The following RYR3 variants were observed in gnomAD, a reference collection of about 807,000 sequenced individuals.
RYR3 encodes ryanodine receptor 3.
RYR3 carries 207 observed loss-of-function variants against 584.3 expected under a neutral mutation model. The observed-to-expected ratio is 0.35, with a 90% CI of 0.32 to 0.40. The LOEUF is 0.40. Ranked by LOEUF, RYR3 falls within the 10% of genes least tolerant of loss-of-function variation. RYR3 has a pLI of 1.00. For missense variants in RYR3, 5,616 were observed against 6,089.2 expected (o/e 0.92, Z 2.59); for synonymous variants, 2,416 against 2,248.5 (o/e 1.07, Z -2.11).
At chr15:33,684,062 G>A (rs137976504) in intron 38 of RYR3, among the ~76,000 whole-genome samples, 24,270 of 152,292 alleles carry the variant, frequency 0.16, 2,361 homozygotes, top group Admixed American at 0.31. Flanking sequence ...GCAGGGCATA[G>A]CTGAACAAAA....
At chr15:33,428,705 A>G (rs2044861095) in intron 1 of RYR3, among the ~76,000 whole-genome samples, 1 of 143,910 alleles carries the variant, frequency 6.9e-6, no homozygotes. Context: ...TCACATAGTC[A>G]GACCCAATTA....
At chr15:33,591,694 T>C (rs1336404182) in intron 16 of RYR3, among the ~76,000 whole-genome samples, 1 of 152,210 alleles carries the variant, frequency 6.6e-6, no homozygotes, top group Non-Finnish European at 1.5e-5. Flanking sequence ...TTGCCATAGA[T>C]AAATATTTTT....
At chr15:33,849,096 A>G (rs1019938568) in intron 94 of RYR3, 1 of 152,292 alleles carries the variant, frequency 6.6e-6, no homozygotes, top group Non-Finnish European at 1.5e-5. Flanking sequence ...TCAGCCTCCC[A>G]AAGTGCTGGG....
At chr15:33,338,013 T>G (rs1402384092) in intron 1 of RYR3, among the ~76,000 whole-genome samples, 1 of 147,198 alleles carries the variant, frequency 6.8e-6, no homozygotes, top group African/African-American at 2.5e-5. Flanking sequence ...GGCGCGATCT[T>G]GGCTCACCGA....
intron 102 of RYR3, among the ~76,000 whole-genome samples, chr15:33,862,635 G>GAGAC (rs1306388096): frequency 1.3e-5 from 2 of 151,980 alleles, no homozygotes; most frequent in Admixed American, 6.6e-5. Flanking sequence ...TTTATTTATT[G>GAGAC]AGACAGTCTC....
chr15:33,417,774 G>T (rs1236957027), intron 1 of RYR3, among the ~76,000 whole-genome samples: 1 of 152,054 alleles, frequency 6.6e-6, no homozygotes, highest in South Asian at 2.1e-4. Flanking sequence ...TTCACAGTGG[G>T]GTTGCTTTCA....
At chr15:33,330,560 C>T (rs917491938) in intron 1 of RYR3, among the ~76,000 whole-genome samples, 1 of 152,140 alleles carries the variant, frequency 6.6e-6, no homozygotes, top group African/African-American at 2.4e-5. Context: ...TGTTCCTTCA[C>T]GTCGTGATTC....
intron 30 of RYR3, among the ~76,000 whole-genome samples, 192 bp downstream of exon 30, chr15:33,647,652 G>T (rs2062178777): frequency 6.6e-6 from 1 of 152,156 alleles, no homozygotes; most frequent in Non-Finnish European, 1.5e-5. Flanking sequence ...GTTATTCAGT[G>T]CAAAGCAAAA....
chr15:33,698,173 C>T (rs996934253), intron 40 of RYR3, among the ~76,000 whole-genome samples, 177 bp downstream of exon 40: 13 of 152,198 alleles, frequency 8.5e-5, no homozygotes, highest in Non-Finnish European at 4.4e-5. Context: ...TGGACGGAAT[C>T]CCATTGTGTA....
chr15:33,612,869 C>A (rs1231089395), intron 18 of RYR3, among the ~76,000 whole-genome samples: 1 of 152,198 alleles, frequency 6.6e-6, no homozygotes, highest in African/African-American at 2.4e-5. Flanking sequence ...AGACACCAGG[C>A]CACAGTCTGA....
intron 86 of RYR3, among the ~76,000 whole-genome samples, chr15:33,834,285 A>AACAGACACAC: frequency 7.3e-6 from 1 of 136,948 alleles, no homozygotes; most frequent in South Asian, 2.4e-4. Flanking sequence ...ATCTGTCTTA[A>AACAGACACAC]ACACACACAC....
chr15:33,667,310 C>G (rs970059213), intron 36 of RYR3, among the ~76,000 whole-genome samples: 2 of 152,210 alleles, frequency 1.3e-5, no homozygotes, highest in Non-Finnish European at 2.9e-5. Context: ...GACCTGGGGT[C>G]GTGGCCCTAT....
chr15:33,614,901 A>G (rs1486253944), intron 19 of RYR3, among the ~76,000 whole-genome samples: 2 of 152,126 alleles, frequency 1.3e-5, no homozygotes, highest in Non-Finnish European at 2.9e-5. Flanking sequence ...GGCTTTTTAT[A>G]TACACAGTTA....
intron 12 of RYR3, among the ~76,000 whole-genome samples, chr15:33,575,961 A>G (rs1211958810): frequency 6.6e-6 from 1 of 152,232 alleles, no homozygotes; most frequent in Non-Finnish European, 1.5e-5. Flanking sequence ...TCAAACAACC[A>G]TCAGAGAATA....
intron 49 of RYR3, among the ~76,000 whole-genome samples, chr15:33,737,949 G>A (rs1221388285): frequency 6.6e-6 from 1 of 152,094 alleles, no homozygotes; most frequent in Non-Finnish European, 1.5e-5. Flanking sequence ...AGAGGGAGCG[G>A]GCACGGGGAG....
chr15:33,747,655 C>T (rs1941640999), intron 53 of RYR3, among the ~76,000 whole-genome samples: 1 of 152,020 alleles, frequency 6.6e-6, no homozygotes, highest in African/African-American at 2.4e-5. Flanking sequence ...GAATTTCTGA[C>T]CTCAGGTGAT....
Position 33,830,394 on chromosome 15 carries a change from T to C in RYR3, c.11335-569T>C, listed in dbSNP as rs145547653. Among the ~76,000 whole-genome samples, 656 of 152,354 alleles carry C rather than the reference T, an allele frequency of 4.3e-3. 4 individuals are homozygous for C. The highest frequency in any genetic ancestry group is 0.015 in the African/African-American group (634 of 41,588). On this transcript the variant is annotated intron_variant, in intron 85 of 103. Transcript: ENST00000634891. ...AGCACTTTTTAGCAATAAAGTATTTTTTAATGATGGCACGTACATTGTTTT... is the reference window on the plus strand; with the variant it reads ...AGCACTTTTTAGCAATAAAGTATTTCTTAATGATGGCACGTACATTGTTTT...
intron 23 of RYR3, among the ~76,000 whole-genome samples, chr15:33,632,628 A>G (rs989143994): frequency 5.3e-5 from 8 of 152,248 alleles, no homozygotes; most frequent in Admixed American, 1.3e-4. Flanking sequence ...GCTTCTGGTA[A>G]TGTTGCAGCA....
At position 33,616,155 on chromosome 15, in the gene RYR3, A is replaced by G. The variant is rs537279264; in HGVS notation, c.2357+2780A>G. 1.1e-4 allele frequency among the ~76,000 whole-genome samples: 16 copies of G among 152,288 alleles called. No homozygotes were observed. In the East Asian group the frequency reaches 2.3e-3, roughly 22 times the overall value. ...TTCAAAGGGAGTACACCTATTTCACAAGCAAGTCATCTGAAAAAACTACTT... is the reference window on the plus strand; with the variant it reads ...TTCAAAGGGAGTACACCTATTTCACGAGCAAGTCATCTGAAAAAACTACTT... On this transcript the variant is annotated intron_variant, in intron 19 of 103. Transcript: ENST00000634891.
Sources: gnomAD v4.1 joint callset for allele counts (sites outside exome capture counted in the v4.1 genomes callset) on GRCh38, gnomAD v4.1.1 for gene constraint, MANE v1.5 for transcripts, NCBI Gene and HGNC (gene_info 2026-07-23, HGNC 2026-07-21) for gene names.